RERE: variants seen among roughly 807,000 people sequenced by gnomAD.
RERE encodes arginine-glutamic acid dipeptide repeats, also known as arginine-glutamic acid dipeptide repeats protein.
Under a neutral mutation model 146.1 loss-of-function variants are expected in RERE, and 40 were observed. The observed-to-expected ratio is 0.27, with a 90% CI of 0.21 to 0.36. The LOEUF (loss-of-function observed/expected upper bound fraction) is 0.36. RERE is among the 10% of genes least tolerant of loss of function. The pLI, the probability that RERE is intolerant of heterozygous loss-of-function variation, is 1.00. For missense variants in RERE, 1,933 were observed against 2,138.7 expected, an observed-to-expected ratio of 0.90 and a Z score of 1.90; for synonymous variants, 1,003 against 866.0, an observed-to-expected ratio of 1.16 and a Z score of -2.78.
chr1:8,647,669 G>GTGTT, intron 2 of RERE, among the ~76,000 whole-genome samples: 1 of 151,838 alleles, frequency 6.6e-6, no homozygotes, highest in South Asian at 2.1e-4. Context: ...GTGTGTGTGT[G>GTGTT]TGTGTGTGTC....
intron 1 of RERE, chr1:8,703,225 C>T (rs1639492960): frequency 6.6e-6 from 1 of 150,744 alleles, no homozygotes; most frequent in Non-Finnish European, 1.5e-5. Flanking sequence ...GGCCGCAGGG[C>T]ACCGCGGCGC....
intron 4 of RERE, among the ~76,000 whole-genome samples, chr1:8,605,032 G>A (rs1273852079): frequency 2.0e-5 from 3 of 152,184 alleles, no homozygotes; most frequent in Non-Finnish European, 2.9e-5. Flanking sequence ...ATTGTACCAC[G>A]AAATCTCTTG....
chr1:8,607,333 C>T (rs972673535), intron 4 of RERE, among the ~76,000 whole-genome samples: 1 of 148,898 alleles, frequency 6.7e-6, no homozygotes, highest in African/African-American at 2.5e-5. Context: ...GCACTCCAGC[C>T]TGGGTGACAC....
intron 7 of RERE, among the ~76,000 whole-genome samples, chr1:8,509,236 C>A (rs1283609640): frequency 6.6e-6 from 1 of 152,140 alleles, no homozygotes; most frequent in Non-Finnish European, 1.5e-5. Context: ...CACGAGCCAC[C>A]ACACCTGGCC....
In RERE at chr1:8,750,937, T is replaced by C. The variant is rs571722340; in HGVS notation, c.-145+66223A>G. 28 of 754,240 alleles carry C rather than the reference T, an allele frequency of 3.7e-5. 1 individual carries two copies. In the Middle Eastern group the frequency reaches 2.0e-3, roughly 54 times the overall value. The allele number at this position is 754,240 out of a possible 1,614,324, so 46.7% of individuals were successfully genotyped here. ...TCAATAAGCAAATTGCTTTGACAGA[T>C]AACGCTTTGATTGCTCTATCTCTTG... On this transcript the variant is annotated intron_variant, in intron 1 of 22. Transcript: ENST00000400908.
intron 12 of RERE, among the ~76,000 whole-genome samples, chr1:8,403,748 T>G (rs1570154512): frequency 6.6e-6 from 1 of 151,940 alleles, no homozygotes; most frequent in African/African-American, 2.4e-5. Flanking sequence ...ATATCTGCTA[T>G]TACCTTTATG....
intron 1 of RERE, among the ~76,000 whole-genome samples, chr1:8,756,662 A>G (rs913295183): frequency 1.3e-5 from 2 of 152,218 alleles, no homozygotes; most frequent in African/African-American, 4.8e-5. Flanking sequence ...CTGTACTACT[A>G]TATCTTTTTG....
chr1:8,435,048 G>A (rs925668372), intron 11 of RERE, among the ~76,000 whole-genome samples: 6 of 152,212 alleles, frequency 3.9e-5, no homozygotes, highest in Non-Finnish European at 7.3e-5. Context: ...CAGGGGTAAC[G>A]TGTTACATAG....
At chr1:8,437,527 C>G (rs552249480) in intron 11 of RERE, among the ~76,000 whole-genome samples, 3 of 152,020 alleles carry the variant, frequency 2.0e-5, no homozygotes, top group South Asian at 4.1e-4. Context: ...TCAAGAGAGT[C>G]CCCCAAGGGA....
intron 1 of RERE, among the ~76,000 whole-genome samples, chr1:8,724,076 T>A (rs901624300): frequency 6.6e-6 from 1 of 152,206 alleles, no homozygotes; most frequent in Non-Finnish European, 1.5e-5. Flanking sequence ...AAAACCAGCT[T>A]TTATCTTTAC....
chr1:8,576,884 T>C (rs777315897), intron 4 of RERE, among the ~76,000 whole-genome samples: 1 of 152,186 alleles, frequency 6.6e-6, no homozygotes, highest in African/African-American at 2.4e-5. Context: ...TAAAGATACA[T>C]TTGTGCTGGG....
intron 12 of RERE, among the ~76,000 whole-genome samples, chr1:8,399,545 T>TTATCTC (rs1643175838): frequency 6.6e-6 from 1 of 152,176 alleles, no homozygotes; most frequent in South Asian, 2.1e-4. Flanking sequence ...TTTACAAGTC[T>TTATCTC]TATCTCATTT....
Position 8,749,450 on chromosome 1 carries a change from G to A in RERE, c.-145+67710C>T, listed in dbSNP as rs183497476. On this transcript the variant is annotated intron_variant, in intron 1 of 22. Transcript: ENST00000400908. ...CTGGAAAAAAAAAAAAGGATAAGGTGATGTAGAGTAATGCGCTACTTTAGA... is the reference window on the plus strand; with the variant it reads ...CTGGAAAAAAAAAAAAGGATAAGGTAATGTAGAGTAATGCGCTACTTTAGA... 2.0e-5 allele frequency among the ~76,000 whole-genome samples: 3 copies of A among 151,786 alleles called. No homozygotes were observed. In the East Asian group the frequency reaches 5.8e-4, roughly 29 times the overall value.
intron 1 of RERE, among the ~76,000 whole-genome samples, chr1:8,690,823 A>G (rs900910174): frequency 6.6e-6 from 1 of 152,186 alleles, no homozygotes; most frequent in Non-Finnish European, 1.5e-5. Flanking sequence ...CTGCTACATA[A>G]AAGTATGTAT....
chr1:8,721,089 C>T (rs931097594), intron 1 of RERE, among the ~76,000 whole-genome samples: 3 of 152,000 alleles, frequency 2.0e-5, no homozygotes, highest in Non-Finnish European at 2.9e-5. Context: ...CTCAGGTACC[C>T]GATAGGTCAT....
chr1:8,567,653 A>T (rs1646168229), intron 4 of RERE, among the ~76,000 whole-genome samples: 1 of 152,270 alleles, frequency 6.6e-6, no homozygotes, highest in Non-Finnish European at 1.5e-5. Context: ...TTTTCTACTT[A>T]GGATTATATT....
intron 1 of RERE, among the ~76,000 whole-genome samples, chr1:8,705,134 T>C (rs1175890518): frequency 6.6e-6 from 1 of 152,198 alleles, no homozygotes; most frequent in Admixed American, 6.5e-5. Context: ...TACAGACCAT[T>C]TTAAAAGTGC....
In RERE at chr1:8,422,802, G is replaced by A; in HGVS notation, c.1209C>T (p.Arg403=). 6.2e-7 allele frequency: 1 copy of A among 1,613,012 alleles called. No individual in the cohort carries two copies. Among genetic ancestry groups the A allele is most frequent in the Non-Finnish European group, 8.5e-7 (1 of 1,179,172 alleles). Residue 403 remains arginine (R), a synonymous_variant, in exon 12 of 23, where the codon CGC becomes CGT. Transcript: ENST00000400908. ...EKCWTEDEVK[R]FVKGLRQYGK... is the part of the protein sequence containing the mutation. ...CGTACTGCCTGAGTCCCTTAACGAA[G>A]CGTTTCTGTGATAAAAAGAAACAAA...
chr1:8,529,287 CTTTTTTT>C lies in RERE; in HGVS notation c.830+11920_830+11926del, dbSNP rs34547801. On this transcript the variant is annotated intron_variant, in intron 7 of 22. Transcript: ENST00000400908. ...CCTCCACAACCATCAGTTCTCCCTT[CTTTTTTT>C]TTTTTTTTTTTTTGAGATGGAGTCT... is the stretch of plus-strand genomic sequence containing the variant. Among the ~76,000 whole-genome samples, 29 of 102,436 alleles carry C rather than the reference CTTTTTTT, an allele frequency of 2.8e-4. No homozygotes were observed. In the East Asian group the frequency reaches 7.7e-3, roughly 27 times the overall value. 67.2% of individuals were successfully genotyped at this position (102,436 alleles called of 152,430 possible). A position where few individuals can be genotyped will look rare whatever the true frequency, so the allele number is the denominator to read the frequency against.
Sources: gnomAD v4.1 joint callset for allele counts (sites outside exome capture counted in the v4.1 genomes callset) on GRCh38, gnomAD v4.1.1 for gene constraint, MANE v1.5 for transcripts, NCBI Gene and HGNC (gene_info 2026-07-23, HGNC 2026-07-21) for gene names.